Variants in GLRB observed in about 807,000 individuals in gnomAD.
GLRB encodes the protein glycine receptor subunit beta.
In GLRB, 33 loss-of-function variants were observed where a neutral mutation model predicts 54.2. The observed-to-expected ratio is 0.61, with a 90% CI of 0.46 to 0.81. The LOEUF is 0.81. Ranked by LOEUF, GLRB falls within the 40% of genes least tolerant of loss-of-function variation. The pLI is 0.00. For synonymous variants in GLRB, 209 were observed against 208.2 expected (o/e 1.00, Z -0.03); for missense variants, 572 against 584.6 (o/e 0.98, Z 0.22).
intron 4 of GLRB, among the ~76,000 whole-genome samples, chr4:157,135,866 C>T (rs576957565): frequency 2.0e-5 from 3 of 152,150 alleles, no homozygotes; most frequent in African/African-American, 7.2e-5. Context: ...TTAGAAAATG[C>T]TTGAAACTAA....
At chr4:157,148,731 T>G (rs1398011184) in intron 8 of GLRB, among the ~76,000 whole-genome samples, 1 of 152,154 alleles carries the variant, frequency 6.6e-6, no homozygotes, top group East Asian at 1.9e-4. Context: ...CTTTTATGTG[T>G]GTTGAGATTT....
intron 5 of GLRB, 47 bp from the exon 6 acceptor site, chr4:157,136,756 GA>G: frequency 6.7e-7 from 1 of 1,497,266 alleles, no homozygotes; most frequent in Non-Finnish European, 9.3e-7. Flanking sequence ...ATCAATGGAT[GA>G]CAGAGAAGTA....
chr4:157,124,311 C>T (rs773575741), intron 4 of GLRB, among the ~76,000 whole-genome samples: 2 of 151,770 alleles, frequency 1.3e-5, no homozygotes, highest in Non-Finnish European at 2.9e-5. Flanking sequence ...GCTATTCTCA[C>T]TCACTTTGTG....
chr4:157,146,715 G>A (rs1332205586), intron 8 of GLRB, among the ~76,000 whole-genome samples: 2 of 152,000 alleles, frequency 1.3e-5, no homozygotes, highest in Non-Finnish European at 1.5e-5. Flanking sequence ...AGTTACTCGG[G>A]AGGCTGAGGA....
intron 4 of GLRB, among the ~76,000 whole-genome samples, chr4:157,127,733 T>C (rs951996973): frequency 1.3e-5 from 2 of 151,738 alleles, no homozygotes; most frequent in African/African-American, 4.8e-5. Context: ...GAAGGGACCA[T>C]GACTTAAGGA....
rs776931179 is a variant in GLRB, at chr4:157,122,406, G to A, written c.297+9G>A. 4 of 1,063,350 alleles carry A rather than the reference G, an allele frequency of 3.8e-6. No homozygotes were observed. Among genetic ancestry groups the A allele is most frequent in the Non-Finnish European group, 4.3e-6 (3 of 694,264 alleles). The allele number at this position is 1,063,350 out of a possible 1,614,324, so 65.9% of individuals were successfully genotyped here. On this transcript the variant is annotated intron_variant, in intron 4 of 9. Coordinates refer to ENST00000264428, the MANE Select transcript of GLRB (RefSeq NM_000824.5). ...TTCAAGAAACAACAATGGTAAGATT[G>A]CAATTAATTTAATATTTTGTCAAAT... is the stretch of plus-strand genomic sequence containing the variant.
chr4:157,166,778 G>GA (rs34396411), intron 9 of GLRB, among the ~76,000 whole-genome samples: 2 of 151,850 alleles, frequency 1.3e-5, no homozygotes, highest in African/African-American at 4.8e-5. Context: ...CTTCAACACT[G>GA]AAAAAATTAT....
chr4:157,084,954 A>G (rs1419455132), intron 2 of GLRB, among the ~76,000 whole-genome samples: 1 of 152,230 alleles, frequency 6.6e-6, no homozygotes, highest in Admixed American at 6.5e-5. Flanking sequence ...TGGATAATCT[A>G]TAAAATGGAT....
chr4:157,163,352 C>T (rs763674533), intron 9 of GLRB, among the ~76,000 whole-genome samples: 1 of 152,080 alleles, frequency 6.6e-6, no homozygotes. Context: ...GTGAGATGAA[C>T]CCGGTACCTC....
chr4:157,090,851 G>A (rs952559607), intron 2 of GLRB, among the ~76,000 whole-genome samples: 4 of 152,102 alleles, frequency 2.6e-5, no homozygotes, highest in African/African-American at 7.2e-5. Flanking sequence ...GTGTTGGAAA[G>A]CTGTCAAACT....
chr4:157,155,050 G>A (rs1737174411), intron 9 of GLRB, among the ~76,000 whole-genome samples: 1 of 152,116 alleles, frequency 6.6e-6, no homozygotes, highest in South Asian at 2.1e-4. Context: ...AAATGTTATT[G>A]TATATTTTTG....
chr4:157,117,346 A>G (rs1426918258), intron 2 of GLRB, among the ~76,000 whole-genome samples: 2 of 151,678 alleles, frequency 1.3e-5, no homozygotes, highest in Non-Finnish European at 3.0e-5. Flanking sequence ...TGTACTCTAC[A>G]GGTTCATTTA....
chr4:157,127,510 T>C (rs1182955032), intron 4 of GLRB, among the ~76,000 whole-genome samples: 1 of 151,944 alleles, frequency 6.6e-6, no homozygotes, highest in Non-Finnish European at 1.5e-5. Context: ...CTAAATTTTA[T>C]ATCCTTTTCA....
intron 9 of GLRB, among the ~76,000 whole-genome samples, chr4:157,155,209 A>G (rs1430349991): frequency 6.6e-6 from 1 of 151,468 alleles, no homozygotes; most frequent in Non-Finnish European, 1.5e-5. Flanking sequence ...AGCTCATGCA[A>G]CCTCCACCTC....
At chr4:157,156,539 C>G (rs1224690600) in intron 9 of GLRB, among the ~76,000 whole-genome samples, 1 of 152,138 alleles carries the variant, frequency 6.6e-6, no homozygotes, top group African/African-American at 2.4e-5. Flanking sequence ...ATTTCTTTCT[C>G]TTACCTGGTT....
Position 157,136,484 on chromosome 4 carries a change from A to G in GLRB, c.313A>G (p.Ile105Val), listed in dbSNP as rs529837532. 4.4e-5 allele frequency: 71 copies of G among 1,602,046 alleles called. No individual in the cohort carries two copies. The East Asian group carries it at 1.5e-3, about 35-fold the overall frequency. Residue 105 changes from isoleucine (I) to valine (V), a missense_variant, in exon 5 of 10, where the codon ATC becomes GTC. Coordinates refer to ENST00000264428, the MANE Select transcript of GLRB (RefSeq NM_000824.5). ...QETTMDYRVN[I>V]FLRQKWNDPR... is the part of the protein sequence containing the mutation. The stretch of plus-strand genomic sequence containing the variant: ...TTTTCTTCAGGACTATAGAGTTAAC[A>G]TCTTCCTGAGACAAAAATGGAATGA...
Position 157,076,216 on chromosome 4 carries a change from G to A in GLRB, c.-111G>A, listed in dbSNP as rs1467006878. ...ACGCAGCTGCCCCCGCTCGGCGCCC[G>A]CTGCACCCTTAGCAGCCACTGCCAC... is the stretch of plus-strand genomic sequence containing the variant. On this transcript the variant is annotated 5_prime_UTR_variant, in exon 1 of 10. Coordinates refer to ENST00000264428, the MANE Select transcript of GLRB (RefSeq NM_000824.5). The A allele has an allele frequency of 6.0e-5, 9 of 150,594 alleles. No individual in the cohort carries two copies. The highest frequency in any genetic ancestry group is 1.3e-4 in the Non-Finnish European group (9 of 67,572). The allele number at this position is 150,594 out of a possible 1,614,324, so 9.3% of individuals were successfully genotyped here.
At chr4:157,152,058 A>G (rs1307197049) in intron 8 of GLRB, among the ~76,000 whole-genome samples, 1 of 152,192 alleles carries the variant, frequency 6.6e-6, no homozygotes, top group Non-Finnish European at 1.5e-5. Context: ...AGAGCAATAA[A>G]TTATTGCAAT....
chr4:157,147,404 G>A (rs1376026044), intron 8 of GLRB, among the ~76,000 whole-genome samples: 1 of 152,092 alleles, frequency 6.6e-6, no homozygotes, highest in Non-Finnish European at 1.5e-5. Context: ...TGGTGTCCAT[G>A]GACAGTTTCT....
Sources: allele counts gnomAD v4.1 joint callset (sites outside exome capture counted in the v4.1 genomes callset), GRCh38; gene constraint gnomAD v4.1.1; transcripts MANE v1.5; gene names NCBI Gene and HGNC (gene_info 2026-07-23, HGNC 2026-07-21).